MAP7: variants seen among roughly 807,000 people sequenced by gnomAD.
MAP7 encodes ensconsin.
MAP7 carries 52 observed loss-of-function variants against 94.8 expected under a neutral mutation model. That is an observed-to-expected ratio of 0.55 (90% CI 0.44 to 0.69). MAP7 has a LOEUF of 0.69. Among genes scored for constraint, MAP7 ranks in the 30% least tolerant of loss-of-function variants. MAP7 has a pLI of 0.00. For synonymous variants in MAP7, 350 were observed against 357.0 expected (o/e 0.98, Z 0.22); for missense variants, 940 against 964.6 (o/e 0.97, Z 0.34).
At chr6:136,391,644 T>C (rs1448450114) in intron 3 of MAP7, among the ~76,000 whole-genome samples, 1 of 128,388 alleles carries the variant, frequency 7.8e-6, no homozygotes, top group South Asian at 2.5e-4. Context: ...ATATAATCTC[T>C]CAAAAAATAA....
At chr6:136,448,179 G>A (rs568922055) in intron 1 of MAP7, among the ~76,000 whole-genome samples, 7 of 152,068 alleles carry the variant, frequency 4.6e-5, no homozygotes, top group South Asian at 2.1e-4. Flanking sequence ...CCGACACAGC[G>A]AGACTCTGTC....
chr6:136,477,910 C>T lies in MAP7; in HGVS notation c.68-56111G>A, dbSNP rs201676471. Among the ~76,000 whole-genome samples the T allele has an allele frequency of 2.3e-4, 35 of 152,240 alleles. No homozygotes were observed. In the East Asian group the frequency reaches 6.0e-3, roughly 26 times the overall value. ...CAAGGTTGGAACATATGTTAGGCCA[C>T]AAAACAAGTATTTTAAAATTCAAAA... On this transcript the variant is annotated intron_variant, in intron 1 of 17. Transcript: ENST00000354570.
intron 1 of MAP7, among the ~76,000 whole-genome samples, chr6:136,535,309 AG>A (rs1445737493): frequency 2.6e-5 from 4 of 152,156 alleles, no homozygotes; most frequent in Non-Finnish European, 5.9e-5. Flanking sequence ...CAATGATTGT[AG>A]GCTTCCTGGG....
chr6:136,523,112 T>C (rs1826866230), intron 1 of MAP7, among the ~76,000 whole-genome samples: 1 of 152,164 alleles, frequency 6.6e-6, no homozygotes, highest in South Asian at 2.1e-4. Flanking sequence ...TACAGGCAAC[T>C]AGTGACTGGT....
chr6:136,531,198 GTCCTC>G (rs1828454871), intron 1 of MAP7, among the ~76,000 whole-genome samples: 3 of 144,616 alleles, frequency 2.1e-5, no homozygotes, highest in Admixed American at 2.0e-4. Context: ...TGCAAAGACT[GTCCTC>G]TCTTCTCACG....
chr6:136,363,201 G>A (rs1793327249), intron 10 of MAP7, among the ~76,000 whole-genome samples: 1 of 152,224 alleles, frequency 6.6e-6, no homozygotes, highest in East Asian at 1.9e-4. Flanking sequence ...CTGTCTCTAG[G>A]TCTGAGATGG....
At position 136,366,432 on chromosome 6, in the gene MAP7, T is replaced by A. The variant is rs763174328; in HGVS notation, c.884A>T (p.Lys295Ile). The change falls in exon 9 of 18, where the codon AAA becomes ATA. Residue 295 changes from lysine to isoleucine, a missense_variant. By Grantham distance (102) the Lys-to-Ile change is moderately radical. Coordinates refer to ENST00000354570, the MANE Select transcript of MAP7 (RefSeq NM_003980.6). ...RRIIHGTASY[K>I]KERERENVLF... The stretch of plus-strand genomic sequence containing the variant: ...TACATTTTCTCTCTCTCTTTCTTTT[T>A]TATAGCTCTAAGTTCAGAGAAACTC... The A allele has an allele frequency of 2.5e-6, 4 of 1,609,002 alleles. No homozygotes were observed. The highest frequency in any genetic ancestry group is 3.4e-6 in the Non-Finnish European group (4 of 1,175,462).
intron 1 of MAP7, among the ~76,000 whole-genome samples, chr6:136,493,599 A>G (rs1817363821): frequency 6.6e-6 from 1 of 152,178 alleles, no homozygotes; most frequent in South Asian, 2.1e-4. Flanking sequence ...CAACTTTTGA[A>G]GAAGGGAGAC....
At chr6:136,463,659 T>C (rs1418083068) in intron 1 of MAP7, among the ~76,000 whole-genome samples, 4 of 152,196 alleles carry the variant, frequency 2.6e-5, no homozygotes, top group Admixed American at 6.5e-5. Flanking sequence ...ATAATTTGCT[T>C]TATGGGTTAT....
chr6:136,356,908 T>A, intron 15 of MAP7, 114 bp from the exon 16 acceptor site: 1 of 782,842 alleles, frequency 1.3e-6, no homozygotes, highest in Non-Finnish European at 2.2e-6. Context: ...TTAAGTGATG[T>A]GAGACCTTGG....
intron 1 of MAP7, among the ~76,000 whole-genome samples, chr6:136,535,280 G>C (rs1219334754): frequency 6.6e-6 from 1 of 152,140 alleles, no homozygotes; most frequent in Non-Finnish European, 1.5e-5. Flanking sequence ...GAATGTGCCT[G>C]CTCCCGCTTC....
At chr6:136,504,512 T>G (rs985484878) in intron 1 of MAP7, among the ~76,000 whole-genome samples, 5 of 151,592 alleles carry the variant, frequency 3.3e-5, no homozygotes, top group Non-Finnish European at 7.4e-5. Flanking sequence ...CCACAGCAAA[T>G]GTTTGTATTT....
intron 6 of MAP7, among the ~76,000 whole-genome samples, chr6:136,382,580 T>TA (rs557036665): frequency 2.0e-5 from 3 of 152,202 alleles, no homozygotes; most frequent in Admixed American, 6.5e-5. Context: ...CAAATTAGGT[T>TA]AAAAAAACAA....
At chr6:136,376,537 G>T (rs1489185491) in intron 7 of MAP7, among the ~76,000 whole-genome samples, 4 of 152,236 alleles carry the variant, frequency 2.6e-5, no homozygotes, top group Non-Finnish European at 5.9e-5. Flanking sequence ...CAGATGCAAT[G>T]TGATGGCTCT....
At chr6:136,404,270 C>T (rs1258844952) in intron 3 of MAP7, among the ~76,000 whole-genome samples, 2 of 152,004 alleles carry the variant, frequency 1.3e-5, no homozygotes, top group Non-Finnish European at 2.9e-5. Context: ...TATCTCTTGA[C>T]CACACTCTTA....
At chr6:136,500,078 C>T (rs1307761545) in intron 1 of MAP7, among the ~76,000 whole-genome samples, 1 of 151,122 alleles carries the variant, frequency 6.6e-6, no homozygotes, top group African/African-American at 2.5e-5. Context: ...CCAGCACTTC[C>T]TAGTTGTGTG....
chr6:136,409,919 C>T (rs529757555), intron 3 of MAP7, among the ~76,000 whole-genome samples: 45 of 152,200 alleles, frequency 3.0e-4, no homozygotes, highest in African/African-American at 1.1e-3. Flanking sequence ...TGAAATATGG[C>T]ATTACATGTT....
chr6:136,348,212 C>G (rs1013839884), intron 16 of MAP7, among the ~76,000 whole-genome samples: 1 of 152,196 alleles, frequency 6.6e-6, no homozygotes, highest in African/African-American at 2.4e-5. Flanking sequence ...ATCTCCAGAG[C>G]CCCCTTTCCT....
intron 1 of MAP7, among the ~76,000 whole-genome samples, chr6:136,461,064 C>T (rs1029350736): frequency 7.9e-5 from 12 of 152,158 alleles, no homozygotes; most frequent in Non-Finnish European, 2.9e-5. Context: ...TTCCTAACAG[C>T]TCCATTTTAT....
Sources: gnomAD v4.1 joint callset for allele counts (sites outside exome capture counted in the v4.1 genomes callset) on GRCh38, gnomAD v4.1.1 for gene constraint, MANE v1.5 for transcripts, NCBI Gene and HGNC (gene_info 2026-07-23, HGNC 2026-07-21) for gene names.